The following CNTNAP2 variants were observed in gnomAD, a reference collection of about 807,000 sequenced individuals.
CNTNAP2 encodes the protein contactin-associated protein-like 2.
A neutral mutation model predicts 155.2 loss-of-function variants in CNTNAP2; 98 were observed. The observed-to-expected ratio is 0.63, with a 90% CI of 0.54 to 0.75. The LOEUF (loss-of-function observed/expected upper bound fraction) is 0.75. CNTNAP2 is among the 30% of genes least tolerant of loss of function. The pLI, the probability that CNTNAP2 is intolerant of heterozygous loss-of-function variation, is 0.00. For synonymous variants in CNTNAP2, 651 were observed against 631.2 expected (o/e 1.03, Z -0.47); for missense variants, 1,727 against 1,688.1 (o/e 1.02, Z -0.40).
intron 9 of CNTNAP2, among the ~76,000 whole-genome samples, chr7:147,372,280 A>G (rs1563179630): frequency 6.6e-6 from 1 of 152,144 alleles, no homozygotes; most frequent in South Asian, 2.1e-4. Flanking sequence ...CTATTAGAGT[A>G]AAAACAGCTT....
intron 1 of CNTNAP2, among the ~76,000 whole-genome samples, chr7:146,163,551 C>CTATCTATA (rs1798262869): frequency 1.5e-5 from 2 of 137,906 alleles, no homozygotes; most frequent in African/African-American, 5.8e-5. Flanking sequence ...ATCTATATAT[C>CTATCTATA]TATATCTATA....
At chr7:148,119,504 C>G (rs1804555725) in intron 16 of CNTNAP2, among the ~76,000 whole-genome samples, 1 of 152,152 alleles carries the variant, frequency 6.6e-6, no homozygotes, top group Admixed American at 6.5e-5. Context: ...CCACTGCACT[C>G]AAGCCTGGGT....
chr7:146,753,490 A>G (rs1173904269), intron 1 of CNTNAP2, among the ~76,000 whole-genome samples: 1 of 152,062 alleles, frequency 6.6e-6, no homozygotes, highest in Non-Finnish European at 1.5e-5. Flanking sequence ...TGATATTAAC[A>G]TGTGAGTCAA....
intron 1 of CNTNAP2, among the ~76,000 whole-genome samples, chr7:146,571,911 T>C (rs896765679): frequency 2.0e-5 from 3 of 152,082 alleles, no homozygotes; most frequent in African/African-American, 7.2e-5. Flanking sequence ...TTTTGTATTT[T>C]TAGTAGAGAC....
chr7:147,177,932 C>T (rs888332034), intron 8 of CNTNAP2, among the ~76,000 whole-genome samples: 4 of 152,090 alleles, frequency 2.6e-5, no homozygotes, highest in South Asian at 2.1e-4. Flanking sequence ...AAATACCTTA[C>T]GTCTAGGCTG....
intron 10 of CNTNAP2, among the ~76,000 whole-genome samples, chr7:147,397,980 G>C (rs1348135781): frequency 1.3e-5 from 2 of 151,784 alleles, no homozygotes; most frequent in Non-Finnish European, 2.9e-5. Flanking sequence ...TTTTTTTAAG[G>C]CAACAACATC....
At chr7:147,643,340 C>G (rs1795316421) in intron 13 of CNTNAP2, 1 of 152,132 alleles carries the variant, frequency 6.6e-6, no homozygotes, top group South Asian at 2.1e-4. Flanking sequence ...TGAATTTCAG[C>G]TTACCCTTCT....
At chr7:147,725,715 G>A (rs1366898247) in intron 13 of CNTNAP2, among the ~76,000 whole-genome samples, 1 of 152,084 alleles carries the variant, frequency 6.6e-6, no homozygotes, top group East Asian at 1.9e-4. Context: ...TTCGGGTAAA[G>A]GTCCGAGGTT....
chr7:147,295,492 T>C (rs926667105), intron 8 of CNTNAP2, among the ~76,000 whole-genome samples: 11 of 152,122 alleles, frequency 7.2e-5, no homozygotes, highest in Non-Finnish European at 1.5e-4. Context: ...CCCTATATAC[T>C]GGAGATAATT....
chr7:146,459,042 A>G (rs1334829603), intron 1 of CNTNAP2, among the ~76,000 whole-genome samples: 1 of 152,168 alleles, frequency 6.6e-6, no homozygotes, highest in Non-Finnish European at 1.5e-5. Context: ...TCTCAGCACT[A>G]CTTAACAATC....
chr7:146,222,552 GTGTGTGT>G, intron 1 of CNTNAP2, among the ~76,000 whole-genome samples: 1 of 151,338 alleles, frequency 6.6e-6, no homozygotes, highest in Non-Finnish European at 1.5e-5. Context: ...GTGTGTGTGT[GTGTGTGT>G]GTGTGTGTGT....
chr7:147,570,137 C>T (rs773914102), intron 12 of CNTNAP2, among the ~76,000 whole-genome samples: 2 of 150,870 alleles, frequency 1.3e-5, no homozygotes, highest in African/African-American at 4.9e-5. Context: ...TCAAACCCAC[C>T]AGTTTACAGC....
At chr7:147,874,015 C>A (rs1372866627) in intron 13 of CNTNAP2, among the ~76,000 whole-genome samples, 1 of 152,154 alleles carries the variant, frequency 6.6e-6, no homozygotes, top group East Asian at 1.9e-4. Flanking sequence ...ACAATGATGC[C>A]AAAGGTTGGC....
intron 1 of CNTNAP2, among the ~76,000 whole-genome samples, chr7:146,503,377 T>C (rs1797335536): frequency 6.6e-6 from 1 of 152,238 alleles, no homozygotes; most frequent in Non-Finnish European, 1.5e-5. Context: ...TAAAACATTA[T>C]GAAATTTATT....
intron 11 of CNTNAP2, among the ~76,000 whole-genome samples, chr7:147,500,028 A>G (rs575345905): frequency 1.2e-4 from 18 of 152,294 alleles, no homozygotes; most frequent in Admixed American, 1.0e-3. Flanking sequence ...CTTAAGGTCA[A>G]AAAGTATTTT....
At chr7:147,276,492 A>T (rs540194207) in intron 8 of CNTNAP2, among the ~76,000 whole-genome samples, 2 of 152,184 alleles carry the variant, frequency 1.3e-5, no homozygotes, top group South Asian at 4.1e-4. Context: ...ACTTGTCTTG[A>T]AGTAACCATT....
intron 8 of CNTNAP2, among the ~76,000 whole-genome samples, chr7:147,258,593 T>C (rs1196837960): frequency 6.6e-6 from 1 of 152,172 alleles, no homozygotes; most frequent in Non-Finnish European, 1.5e-5. Context: ...AACTGTATGA[T>C]ACCCTCTAAA....
At chr7:147,615,521 A>C (rs925164939) in intron 12 of CNTNAP2, among the ~76,000 whole-genome samples, 19 of 152,084 alleles carry the variant, frequency 1.2e-4, no homozygotes, top group Non-Finnish European at 2.2e-4. Context: ...GAGGCAGTAC[A>C]ATGTAAATTC....
chr7:147,724,865 G>A (rs1796619553), intron 13 of CNTNAP2, among the ~76,000 whole-genome samples: 1 of 151,816 alleles, frequency 6.6e-6, no homozygotes, highest in Non-Finnish European at 1.5e-5. Flanking sequence ...TTGTTGAAAA[G>A]GTTAAATGTC....
Sources: gnomAD v4.1 joint callset for allele counts (sites outside exome capture counted in the v4.1 genomes callset) on GRCh38, gnomAD v4.1.1 for gene constraint, MANE v1.5 for transcripts, NCBI Gene and HGNC (gene_info 2026-07-23, HGNC 2026-07-21) for gene names.